NAV3: variants seen among roughly 807,000 people sequenced by gnomAD.
NAV3 encodes pore membrane and/or filament interacting like protein 1.
In NAV3, 87 loss-of-function variants were observed where a neutral mutation model predicts 244.7. That is an observed-to-expected ratio of 0.36 (90% CI 0.30 to 0.42). The LOEUF (loss-of-function observed/expected upper bound fraction) is 0.42, where lower values mean the gene tolerates loss of function less well. NAV3 is among the 20% of genes least tolerant of loss of function. The probability of loss-of-function intolerance (pLI) is 1.00; values close to 1 mark genes in which losing one functional copy is unlikely to be tolerated. For synonymous variants in NAV3, 1,126 were observed against 1,042.2 expected (o/e 1.08, Z -1.55); for missense variants, 2,663 against 2,893.3 (o/e 0.92, Z 1.83).
At chr12:77,784,072 G>A (rs1870793976) in intron 2 of NAV3, among the ~76,000 whole-genome samples, 1 of 152,074 alleles carries the variant, frequency 6.6e-6, no homozygotes, top group Admixed American at 6.6e-5. Context: ...TAAATGATAA[G>A]CAATAATACT....
At chr12:77,756,195 T>C (rs955308501) in intron 2 of NAV3, among the ~76,000 whole-genome samples, 1 of 152,196 alleles carries the variant, frequency 6.6e-6, no homozygotes, top group Admixed American at 6.5e-5. Context: ...TTGTGCCTTT[T>C]TTTAGTATCA....
chr12:78,007,772 C>T (rs528662972), intron 8 of NAV3, among the ~76,000 whole-genome samples: 1 of 152,340 alleles, frequency 6.6e-6, no homozygotes, highest in South Asian at 2.1e-4. Context: ...TATACTGCTT[C>T]TATTACTAGC....
At chr12:77,799,191 G>A (rs1356935) in intron 2 of NAV3, among the ~76,000 whole-genome samples, 68,467 of 152,034 alleles carry the variant, frequency 0.45, 16,301 homozygotes, top group African/African-American at 0.62. Flanking sequence ...ATTGGCCAAA[G>A]CAAGTGTGGA....
At chr12:77,583,773 A>G (rs1869475086) in intron 2 of NAV3, among the ~76,000 whole-genome samples, 1 of 152,158 alleles carries the variant, frequency 6.6e-6, no homozygotes, top group Non-Finnish European at 1.5e-5. Context: ...ATGACTTTTT[A>G]GCACAATCTG....
intron 2 of NAV3, among the ~76,000 whole-genome samples, chr12:77,601,881 G>T (rs983967331): frequency 2.6e-4 from 39 of 152,080 alleles, no homozygotes; most frequent in African/African-American, 9.1e-4. Context: ...AGGTAGAATT[G>T]ACAAGATTAA....
At chr12:77,600,982 A>G (rs569783733) in intron 2 of NAV3, among the ~76,000 whole-genome samples, 1 of 152,140 alleles carries the variant, frequency 6.6e-6, no homozygotes, top group African/African-American at 2.4e-5. Context: ...GATACAAATT[A>G]TCAGCTATCT....
At chr12:77,918,358 T>C (rs1052087977) in intron 1 of NAV3, among the ~76,000 whole-genome samples, 2 of 151,638 alleles carry the variant, frequency 1.3e-5, no homozygotes, top group African/African-American at 4.9e-5. Flanking sequence ...CTTGGCTGAG[T>C]ATCATTATAG....
At chr12:77,586,248 G>A (rs1055101998) in intron 2 of NAV3, among the ~76,000 whole-genome samples, 6 of 152,054 alleles carry the variant, frequency 3.9e-5, no homozygotes, top group Non-Finnish European at 7.4e-5. Context: ...TCTTATCATT[G>A]ACCAATATTA....
intron 2 of NAV3, among the ~76,000 whole-genome samples, chr12:77,693,587 A>G (rs1423747009): frequency 7.2e-5 from 11 of 152,098 alleles, no homozygotes; most frequent in African/African-American, 2.7e-4. Flanking sequence ...ACTTTATTAC[A>G]GTTAGACTTT....
At chr12:77,620,047 T>C (rs1215178191) in intron 2 of NAV3, among the ~76,000 whole-genome samples, 1 of 151,996 alleles carries the variant, frequency 6.6e-6, no homozygotes, top group African/African-American at 2.4e-5. Context: ...AATTAAGGAG[T>C]CTTTTCATTT....
At chr12:78,181,103 A>G (rs2139742683) in intron 30 of NAV3, 58 bp downstream of exon 30, 1 of 1,521,748 alleles carries the variant, frequency 6.6e-7, no homozygotes. Context: ...AACGGGTGGG[A>G]AGCCTGGAAT....
intron 12 of NAV3, among the ~76,000 whole-genome samples, chr12:78,063,106 A>T (rs1344564265): frequency 6.6e-6 from 1 of 152,174 alleles, no homozygotes; most frequent in Non-Finnish European, 1.5e-5. Context: ...AATTCCTCTT[A>T]CCAGCACATT....
Position 77,967,193 on chromosome 12 carries a change from A to T in NAV3, c.487+892A>T, listed in dbSNP as rs1400683182. ...TATTCACTTTTTATGTCTCTTCCTTATGAAAACCTTTATTAATATCAGCCT... is the reference window on the plus strand; with the variant it reads ...TATTCACTTTTTATGTCTCTTCCTTTTGAAAACCTTTATTAATATCAGCCT... On this transcript the variant is annotated intron_variant, in intron 4 of 39. Coordinates refer to ENST00000397909, the MANE Select transcript of NAV3 (RefSeq NM_001024383.2). 6.6e-5 allele frequency among the ~76,000 whole-genome samples: 10 copies of T among 152,176 alleles called. No homozygotes were observed. The South Asian group carries it at 8.3e-4, about 13-fold the overall frequency.
At chr12:78,188,372 C>T (rs1327488463) in intron 32 of NAV3, 29 bp downstream of exon 32, 4 of 1,520,588 alleles carry the variant, frequency 2.6e-6, no homozygotes, top group Non-Finnish European at 9.0e-7. Context: ...CCTAATAGTA[C>T]TTTTCAAATA....
chr12:78,082,879 A>G (rs540740117), intron 12 of NAV3, among the ~76,000 whole-genome samples: 2 of 152,198 alleles, frequency 1.3e-5, no homozygotes, highest in East Asian at 3.9e-4. Flanking sequence ...TCTCCCCTGA[A>G]GACTCCCTGT....
rs1420208373 is a variant in NAV3 at position 77,742,339 on chromosome 12, G to A, written c.72+170073G>A. 2.0e-5 allele frequency among the ~76,000 whole-genome samples: 3 copies of A among 152,026 alleles called. No individual in the cohort carries two copies. The South Asian group carries it at 6.2e-4, about 32-fold the overall frequency. On this transcript the variant is annotated intron_variant, in intron 2 of 8. Transcript: ENST00000550042. Reference sequence around the variant, plus strand: ...ATCCCAGCATATTGTCTTTGCTGGTGGCAATGTAAAGTGTTGCAACATCTT... The same window carrying A: ...ATCCCAGCATATTGTCTTTGCTGGTAGCAATGTAAAGTGTTGCAACATCTT...
intron 2 of NAV3, among the ~76,000 whole-genome samples, chr12:77,737,476 G>T (rs572321239): frequency 6.6e-6 from 1 of 151,900 alleles, no homozygotes; most frequent in Admixed American, 6.6e-5. Context: ...TCTTCCAGGG[G>T]ATATAGGCGT....
chr12:77,752,795 C>T (rs188640114), intron 2 of NAV3, among the ~76,000 whole-genome samples: 171 of 152,288 alleles, frequency 1.1e-3, no homozygotes, highest in African/African-American at 4.0e-3. Flanking sequence ...TCCTCTTCCT[C>T]CTCCTCATCT....
intron 2 of NAV3, among the ~76,000 whole-genome samples, chr12:77,611,016 A>G (rs1477082415): frequency 6.6e-6 from 1 of 150,832 alleles, no homozygotes; most frequent in African/African-American, 2.4e-5. Context: ...AACCTATTAG[A>G]AAAAAAAACT....
Sources: gnomAD v4.1 joint callset for allele counts (sites outside exome capture counted in the v4.1 genomes callset) on GRCh38, gnomAD v4.1.1 for gene constraint, MANE v1.5 for transcripts, NCBI Gene and HGNC (gene_info 2026-07-23, HGNC 2026-07-21) for gene names.